Variants in MACROH2A1 observed in about 807,000 individuals in gnomAD.
MACROH2A1 encodes macroH2A.1 histone.
Under a neutral mutation model 31.6 loss-of-function variants are expected in MACROH2A1, and 2 were observed. That is an observed-to-expected ratio of 0.06 (90% confidence interval 0.03 to 0.20). The LOEUF is 0.20. Ranked by LOEUF, MACROH2A1 falls within the 10% of genes least tolerant of loss-of-function variation. The pLI is 1.00. For synonymous variants in MACROH2A1, 169 were observed against 189.6 expected, an observed-to-expected ratio of 0.89 and a Z score of 0.89; for missense variants, 230 against 474.0, an observed-to-expected ratio of 0.49 and a Z score of 4.78.
At chr5:135,350,792 A>G in intron 6 of MACROH2A1, 1 of 1,396,962 alleles carries the variant, frequency 7.2e-7, no homozygotes, top group South Asian at 1.2e-5. Flanking sequence ...CCATGCACAC[A>G]CACACTCGGC....
At chr5:135,396,304 T>C (rs1227441175) in intron 1 of MACROH2A1, among the ~76,000 whole-genome samples, 2 of 152,204 alleles carry the variant, frequency 1.3e-5, no homozygotes, top group African/African-American at 2.4e-5. Context: ...AATCCACTCA[T>C]TATTTGCCGA....
chr5:135,357,989 T>C lies in MACROH2A1; in HGVS notation c.588+2508A>G, dbSNP rs1458293893. 5.1e-6 allele frequency: 5 copies of C among 985,138 alleles called. No homozygotes were observed. The East Asian group carries it at 4.5e-4, about 89-fold the overall frequency. The allele number at this position is 985,138 out of a possible 1,614,324, so 61.0% of individuals were successfully genotyped here. ...CAAGCACTGGTTTCAGTGTCACAGATAGAAAAATGAGATTCATAGGACACA... is the reference window on the plus strand; with the variant it reads ...CAAGCACTGGTTTCAGTGTCACAGACAGAAAAATGAGATTCATAGGACACA... On this transcript the variant is annotated intron_variant, in intron 5 of 8. Transcript: ENST00000511689.
intron 2 of MACROH2A1, among the ~76,000 whole-genome samples, chr5:135,370,889 A>G (rs1244657203): frequency 6.6e-6 from 1 of 152,208 alleles, no homozygotes; most frequent in African/African-American, 2.4e-5. Context: ...TCTTAAGTGT[A>G]ATAATGGTAT....
rs1768368511 is a variant in MACROH2A1 at position 135,398,568 on chromosome 5, C to A, written c.-34+494G>T. Reference sequence around the variant, plus strand: ...GAGCCAGACGCCTACACCTCGGCCCCCCGGGGCTCGGGCCCGACTTATTGT... The same window carrying A: ...GAGCCAGACGCCTACACCTCGGCCCACCGGGGCTCGGGCCCGACTTATTGT... On this transcript the variant is annotated intron_variant, in intron 1 of 8. Transcript: ENST00000511689. This position sits in a 1 kb window ranked among gnomAD's most constrained non-coding sequence, Gnocchi z 4.6. Among the ~76,000 whole-genome samples the A allele has an allele frequency of 6.6e-6, 1 of 152,238 alleles. No individual in the cohort carries two copies. The highest frequency in any genetic ancestry group is 1.5e-5 in the Non-Finnish European group (1 of 68,042).
chr5:135,355,944 G>A (rs535268099), intron 5 of MACROH2A1: 23 of 152,354 alleles, frequency 1.5e-4, no homozygotes, highest in African/African-American at 5.3e-4. Flanking sequence ...ACATGGCAGA[G>A]AAGTGGTCCT....
chr5:135,334,718 A>C lies in MACROH2A1; in HGVS notation c.*258T>G. On this transcript the variant is annotated 3_prime_UTR_variant, in exon 9 of 9. Coordinates refer to ENST00000511689, the MANE Select transcript of MACROH2A1 (RefSeq NM_138610.3). ...GGGTTTCATTAAAATAAAACTATAAAATCTCCTAGGTTACACTAAGTCAGA... is the reference window on the plus strand; with the variant it reads ...GGGTTTCATTAAAATAAAACTATAACATCTCCTAGGTTACACTAAGTCAGA... The C allele has an allele frequency of 2.7e-6, 1 of 376,170 alleles. No individual in the cohort carries two copies. The highest frequency in any genetic ancestry group is 2.1e-5 in the African/African-American group (1 of 48,506). 23.3% of individuals were successfully genotyped at this position (376,170 alleles called of 1,614,324 possible).
intron 1 of MACROH2A1, among the ~76,000 whole-genome samples, chr5:135,394,985 A>G (rs937713486): frequency 6.6e-6 from 1 of 152,200 alleles, no homozygotes; most frequent in Non-Finnish European, 1.5e-5. Context: ...ATTCATGTAC[A>G]TACACCTGGC....
intron 1 of MACROH2A1, among the ~76,000 whole-genome samples, chr5:135,396,081 T>G (rs1048268200): frequency 1.3e-5 from 2 of 152,200 alleles, no homozygotes; most frequent in Admixed American, 1.3e-4. Flanking sequence ...GGTGATGCGC[T>G]TCCCGAGATG....
intron 5 of MACROH2A1, chr5:135,359,493 A>G: frequency 1.0e-6 from 1 of 984,270 alleles, no homozygotes; most frequent in Non-Finnish European, 1.2e-6. Context: ...TTAAAAATGT[A>G]AACAGTAATG....
intron 2 of MACROH2A1, among the ~76,000 whole-genome samples, chr5:135,379,618 T>C (rs1193933342): frequency 2.6e-5 from 4 of 152,152 alleles, no homozygotes; most frequent in African/African-American, 9.7e-5. Flanking sequence ...CATAGAAGCC[T>C]TCAGGCAGGA....
intron 6 of MACROH2A1, among the ~76,000 whole-genome samples, chr5:135,349,486 A>G (rs1761251442): frequency 6.6e-6 from 1 of 152,062 alleles, no homozygotes; most frequent in African/African-American, 2.4e-5. Context: ...TTGTCTTTCC[A>G]TCCATGTCCA....
At chr5:135,343,680 C>A (rs186409277) in intron 7 of MACROH2A1, 46 of 541,044 alleles carry the variant, frequency 8.5e-5, no homozygotes, top group Non-Finnish European at 1.4e-4. Flanking sequence ...TCGTAGTAAG[C>A]CTCTCTCCAC....
chr5:135,376,928 G>C (rs966025315), intron 2 of MACROH2A1, among the ~76,000 whole-genome samples: 22 of 152,216 alleles, frequency 1.4e-4, no homozygotes, highest in African/African-American at 5.3e-4. Flanking sequence ...GGATGGATTT[G>C]TGCCAAAAGG....
chr5:135,351,874 G>C (rs568110050), intron 6 of MACROH2A1, among the ~76,000 whole-genome samples: 1 of 151,598 alleles, frequency 6.6e-6, no homozygotes, highest in Non-Finnish European at 1.5e-5. Context: ...TTGTATTTTA[G>C]TATAAAATGT....
intron 5 of MACROH2A1, chr5:135,353,949 C>A (rs113611135): frequency 6.6e-6 from 1 of 152,206 alleles, no homozygotes; most frequent in African/African-American, 2.4e-5. Context: ...GTCCCAGGTC[C>A]TACTATTCCC....
At chr5:135,346,169 G>A (rs1760807882) in intron 6 of MACROH2A1, 112 bp from the exon 7 acceptor site, 2 of 742,680 alleles carry the variant, frequency 2.7e-6, no homozygotes, top group East Asian at 5.1e-5. Flanking sequence ...TTTCCATCAG[G>A]CTGCAAAACA....
In MACROH2A1 at chr5:135,351,543, A is replaced by ATTTTTTTTTTTTTTTTTT. The variant is rs57605717; in HGVS notation, c.688+1385_688+1402dup. On this transcript the variant is annotated intron_variant, in intron 6 of 8. Coordinates refer to ENST00000511689, the MANE Select transcript of MACROH2A1 (RefSeq NM_138610.3). ...TAGCCTATCTTATTTTTATGGTTTA[A>ATTTTTTTTTTTTTTTTTT]TTTTTTTTTTTTTTTTTTTTTTTTT... The ATTTTTTTTTTTTTTTTTT allele has an allele frequency of 4.9e-4, 24 of 48,498 alleles. 9 individuals are homozygous for ATTTTTTTTTTTTTTTTTT. The highest frequency in any genetic ancestry group is 7.2e-4 in the Non-Finnish European group (18 of 24,962). The allele number at this position is 48,498 out of a possible 1,614,324, so 3.0% of individuals were successfully genotyped here.
chr5:135,392,222 T>A (rs548592141), intron 1 of MACROH2A1, among the ~76,000 whole-genome samples: 1 of 152,276 alleles, frequency 6.6e-6, no homozygotes, highest in South Asian at 2.1e-4. Flanking sequence ...AGTATATATA[T>A]CCCAGCACAT....
Position 135,369,431 on chromosome 5 carries a change from C to T in MACROH2A1, c.452G>A (p.Gly151Asp), listed in dbSNP as rs1169413654. 1.9e-6 allele frequency: 3 copies of T among 1,614,192 alleles called. No individual in the cohort carries two copies. The East Asian group carries it at 6.7e-5, about 36-fold the overall frequency. The change falls in exon 4 of 9, where the codon GGC becomes GAC. Residue 151 changes from glycine to aspartate, a missense_variant. Coordinates refer to ENST00000511689, the MANE Select transcript of MACROH2A1 (RefSeq NM_138610.3). This position sits in a 1 kb window ranked among gnomAD's most constrained non-coding sequence, Gnocchi z 4.3. Reference sequence around the variant, plus strand: ...CTTGGATTTCCGGGCCCCTTTCTTGCCTCCTGCTTTTTTAGATACAGGCTT... The same window carrying T: ...CTTGGATTTCCGGGCCCCTTTCTTGTCTCCTGCTTTTTTAGATACAGGCTT... ...QKKPVSKKAGGKKGARKSKKK... is the reference protein window; with the variant it reads ...QKKPVSKKAGDKKGARKSKKK...
Sources: gnomAD v4.1 joint callset for allele counts (sites outside exome capture counted in the v4.1 genomes callset) on GRCh38, gnomAD v4.1.1 for gene constraint, Gnocchi (gnomAD v3.1) non-coding constraint, MANE v1.5 for transcripts, NCBI Gene and HGNC (gene_info 2026-07-23, HGNC 2026-07-21) for gene names.